LRP1B: variants seen among roughly 807,000 people sequenced by gnomAD.
LRP1B encodes LDL receptor related protein 1B.
LRP1B carries 217 observed loss-of-function variants against 556.6 expected under a neutral mutation model. The ratio of observed to expected loss-of-function variants is 0.39; its 90% CI spans 0.35 to 0.44. The LOEUF (loss-of-function observed/expected upper bound fraction) is 0.44, where lower values mean the gene tolerates loss of function less well. LRP1B is among the 20% of genes least tolerant of loss of function. LRP1B has a pLI of 1.00. For missense variants in LRP1B, 5,053 were observed against 5,620.8 expected, an observed-to-expected ratio of 0.90 and a Z score of 3.23; for synonymous variants, 2,047 against 1,865.8, an observed-to-expected ratio of 1.10 and a Z score of -2.50.
chr2:140,779,694 C>CAAA (rs34083447), intron 32 of LRP1B, among the ~76,000 whole-genome samples: 6 of 66,894 alleles, frequency 9.0e-5, no homozygotes, highest in Admixed American at 2.1e-4. Context: ...GACTCTGTCT[C>CAAA]AAAAAAAAAA....
At chr2:141,104,581 C>G (rs1312859930) in intron 7 of LRP1B, among the ~76,000 whole-genome samples, 1 of 152,036 alleles carries the variant, frequency 6.6e-6, no homozygotes, top group Non-Finnish European at 1.5e-5. Context: ...TAGATTCAGT[C>G]TATAGTTCAG....
At chr2:140,670,550 C>A (rs1399535482) in intron 41 of LRP1B, among the ~76,000 whole-genome samples, 1 of 152,108 alleles carries the variant, frequency 6.6e-6, no homozygotes, top group African/African-American at 2.4e-5. Context: ...CCTCTTTATA[C>A]TTTAGAAGGC....
chr2:141,050,898 G>A (rs112163960), intron 10 of LRP1B, among the ~76,000 whole-genome samples: 73 of 151,776 alleles, frequency 4.8e-4, no homozygotes, highest in African/African-American at 1.7e-3. Flanking sequence ...CAAAGGACTA[G>A]TATCCAGAAT....
At chr2:140,520,240 AT>A (rs1690101107) in intron 49 of LRP1B, among the ~76,000 whole-genome samples, 1 of 152,194 alleles carries the variant, frequency 6.6e-6, no homozygotes, top group Non-Finnish European at 1.5e-5. Flanking sequence ...GATTAAGAAA[AT>A]GTGCACATGT....
At chr2:140,996,575 G>A (rs1697251567) in intron 15 of LRP1B, among the ~76,000 whole-genome samples, 2 of 152,088 alleles carry the variant, frequency 1.3e-5, no homozygotes, top group East Asian at 3.9e-4. Context: ...ACAGAATAGG[G>A]TGTAGAGTTT....
chr2:140,335,846 GAAACA>G lies in LRP1B; in HGVS notation c.11893-13_11893-9del, dbSNP rs770257995. On this transcript the variant is annotated splice_polypyrimidine_tract_variant and intron_variant, in intron 77 of 90. Coordinates refer to ENST00000389484, the MANE Select transcript of LRP1B (RefSeq NM_018557.3). Reference sequence around the variant, plus strand: ...CCTTTTAAATTCAGGACACTACAAGGAAACAAAACAACACACCACGGTATTTTCAA... The same window carrying G: ...CCTTTTAAATTCAGGACACTACAAGGAAACAACACACCACGGTATTTTCAA... 1 of 1,564,934 alleles carries G rather than the reference GAAACA, an allele frequency of 6.4e-7. No homozygotes were observed. The highest frequency in any genetic ancestry group is 1.1e-5 in the South Asian group (1 of 89,994).
intron 4 of LRP1B, among the ~76,000 whole-genome samples, chr2:141,252,925 A>T (rs561611250): frequency 2.0e-5 from 3 of 152,284 alleles, no homozygotes; most frequent in African/African-American, 7.2e-5. Context: ...GCAATTCTTC[A>T]CTAATGTTCC....
intron 6 of LRP1B, among the ~76,000 whole-genome samples, chr2:141,208,860 T>C (rs1682406754): frequency 1.1e-5 from 1 of 92,484 alleles, no homozygotes; most frequent in Non-Finnish European, 1.9e-5. Flanking sequence ...TAAAGCGAGA[T>C]TCTGAGATTC....
At chr2:141,175,764 A>G (rs1360222291) in intron 7 of LRP1B, among the ~76,000 whole-genome samples, 1 of 152,066 alleles carries the variant, frequency 6.6e-6, no homozygotes, top group East Asian at 1.9e-4. Flanking sequence ...CCAGAATGGA[A>G]GATCTACCAA....
chr2:141,651,005 T>C (rs1689767602), intron 2 of LRP1B, among the ~76,000 whole-genome samples: 1 of 152,226 alleles, frequency 6.6e-6, no homozygotes, highest in Non-Finnish European at 1.5e-5. Context: ...TGAGTATACA[T>C]TTAAATAATA....
At chr2:140,833,590 T>A (rs951584062) in intron 31 of LRP1B, among the ~76,000 whole-genome samples, 1 of 152,240 alleles carries the variant, frequency 6.6e-6, no homozygotes, top group African/African-American at 2.4e-5. Context: ...AGCTCTTGTT[T>A]ATATTACTGA....
chr2:141,693,467 GAATT>G (rs1316666003), intron 2 of LRP1B, among the ~76,000 whole-genome samples: 1 of 151,910 alleles, frequency 6.6e-6, no homozygotes, highest in Non-Finnish European at 1.5e-5. Context: ...ATTTTAGTAA[GAATT>G]ATTAAAACAT....
intron 2 of LRP1B, among the ~76,000 whole-genome samples, chr2:141,802,056 G>A (rs983315283): frequency 1.3e-5 from 2 of 152,084 alleles, no homozygotes; most frequent in Non-Finnish European, 2.9e-5. Context: ...GGCCTCTTTT[G>A]TTTGCTTGTA....
chr2:141,075,630 A>C (rs1172073512), intron 7 of LRP1B, among the ~76,000 whole-genome samples: 1 of 152,190 alleles, frequency 6.6e-6, no homozygotes, highest in Non-Finnish European at 1.5e-5. Flanking sequence ...TGAGATATAC[A>C]GAGGTGGGTA....
intron 3 of LRP1B, among the ~76,000 whole-genome samples, chr2:141,341,139 C>A (rs924308461): frequency 2.6e-5 from 4 of 152,136 alleles, no homozygotes; most frequent in African/African-American, 2.4e-5. Flanking sequence ...TGATTGATAT[C>A]TCCCTTGTAC....
chr2:140,527,134 T>C (rs1488632923), intron 47 of LRP1B, among the ~76,000 whole-genome samples: 2 of 152,036 alleles, frequency 1.3e-5, no homozygotes, highest in African/African-American at 4.8e-5. Context: ...ATTGTCATTA[T>C]ATACATTTTG....
chr2:140,962,989 G>C (rs917142120), intron 18 of LRP1B, among the ~76,000 whole-genome samples: 5 of 152,238 alleles, frequency 3.3e-5, no homozygotes, highest in African/African-American at 1.2e-4. Context: ...GGGAAATACA[G>C]AGGTAGGTTT....
chr2:140,759,812 G>A (rs1461641723), intron 35 of LRP1B, among the ~76,000 whole-genome samples: 1 of 152,174 alleles, frequency 6.6e-6, no homozygotes, highest in Non-Finnish European at 1.5e-5. Context: ...TGATATACAC[G>A]AAGGTGTGTA....
At chr2:141,022,010 T>C (rs1442022828) in intron 11 of LRP1B, among the ~76,000 whole-genome samples, 1 of 151,938 alleles carries the variant, frequency 6.6e-6, no homozygotes, top group Non-Finnish European at 1.5e-5. Flanking sequence ...GATAGGATTG[T>C]ATCTTTTGTT....
Sources: allele counts gnomAD v4.1 joint callset (sites outside exome capture counted in the v4.1 genomes callset), GRCh38; gene constraint gnomAD v4.1.1; transcripts MANE v1.5; gene names NCBI Gene and HGNC (gene_info 2026-07-23, HGNC 2026-07-21).